PCDH7: variants seen among roughly 807,000 people sequenced by gnomAD.
PCDH7 encodes protocadherin-7.
In PCDH7, 17 loss-of-function variants were observed where a neutral mutation model predicts 58.9. The observed-to-expected ratio is 0.29, with a 90% CI of 0.20 to 0.43. The LOEUF (loss-of-function observed/expected upper bound fraction) is 0.43, where lower values mean the gene tolerates loss of function less well. Among genes scored for constraint, PCDH7 ranks in the 20% least tolerant of loss-of-function variants. PCDH7 has a pLI of 1.00. For missense variants in PCDH7, 1,274 were observed against 1,441.0 expected (o/e 0.88, Z 1.88); for synonymous variants, 664 against 616.4 (o/e 1.08, Z -1.14).
rs558784122 is a variant in PCDH7 at position 31,013,740 on chromosome 4, A to G, written c.*7+63525A>G. On this transcript the variant is annotated intron_variant, in intron 3 of 3. Transcript: ENST00000509759. Reference sequence around the variant, plus strand: ...TACTGTATATTTTACAATTGTCTGTAATATAAGACAAGGGAGGGACCCATC... The same window carrying G: ...TACTGTATATTTTACAATTGTCTGTGATATAAGACAAGGGAGGGACCCATC... Among the ~76,000 whole-genome samples the G allele has an allele frequency of 2.0e-5, 3 of 152,136 alleles. No homozygotes were observed. The East Asian group carries it at 5.8e-4, about 29-fold the overall frequency.
At chr4:30,833,683 C>T (rs1336713257) in intron 1 of PCDH7, among the ~76,000 whole-genome samples, 1 of 152,016 alleles carries the variant, frequency 6.6e-6, no homozygotes, top group Non-Finnish European at 1.5e-5. Context: ...GATTGTATAT[C>T]AGGGAGAAAA....
At chr4:30,738,511 T>C (rs1716620130) in intron 1 of PCDH7, among the ~76,000 whole-genome samples, 2 of 152,224 alleles carry the variant, frequency 1.3e-5, no homozygotes, top group Admixed American at 6.5e-5. Context: ...ATCTAACTTA[T>C]TAGGCACATC....
chr4:30,749,029 A>G (rs1330993086), intron 1 of PCDH7, among the ~76,000 whole-genome samples: 1 of 152,206 alleles, frequency 6.6e-6, no homozygotes, highest in Non-Finnish European at 1.5e-5. Context: ...ACTAGTACTT[A>G]TCAACAGGGG....
chr4:31,006,776 C>T lies in PCDH7; in HGVS notation c.*7+56561C>T, dbSNP rs368102355. ...GTGTAGTGGTGCATGCCTGTAATCT[C>T]AGCTACTTGGGAGGCTGAGGCAGGA... On this transcript the variant is annotated intron_variant, in intron 3 of 3. Coordinates refer to the PCDH7 transcript ENST00000509759. Among the ~76,000 whole-genome samples the T allele has an allele frequency of 6.4e-4, 98 of 151,952 alleles. 3 individuals carry two copies. In the South Asian group the frequency reaches 0.02, roughly 31 times the overall value.
intron 1 of PCDH7, among the ~76,000 whole-genome samples, chr4:30,763,715 A>G (rs928643486): frequency 3.3e-5 from 5 of 152,160 alleles, no homozygotes; most frequent in Admixed American, 1.3e-4. Flanking sequence ...GGGTCTCAAT[A>G]TCTTAAGCTA....
chr4:30,958,692 T>C (rs1429509761), intron 3 of PCDH7, among the ~76,000 whole-genome samples: 2 of 152,040 alleles, frequency 1.3e-5, no homozygotes, highest in Non-Finnish European at 2.9e-5. Flanking sequence ...TTATGGTACA[T>C]AATGTAGCAT....
chr4:30,765,338 A>G (rs1022798720), intron 1 of PCDH7, among the ~76,000 whole-genome samples: 1 of 152,066 alleles, frequency 6.6e-6, no homozygotes, highest in African/African-American at 2.4e-5. Context: ...GACTTTATGC[A>G]TAATGTTCAT....
chr4:30,812,231 T>C (rs1183021973), intron 1 of PCDH7, among the ~76,000 whole-genome samples: 3 of 152,234 alleles, frequency 2.0e-5, no homozygotes, highest in African/African-American at 7.2e-5. Context: ...TATTTGAGAG[T>C]AGGGTAGGAG....
chr4:30,917,155 A>G lies in PCDH7; in HGVS notation c.71-2998A>G, dbSNP rs1742584273. ...ATAACCTTTGCGGTAAAACTGAACT[A>G]TCTTTTCAAGACTCAATTGTCTGCC... is the stretch of plus-strand genomic sequence containing the variant. On this transcript the variant is annotated intron_variant, in intron 1 of 3. Transcript: ENST00000509759. Among the ~76,000 whole-genome samples the G allele has an allele frequency of 2.0e-5, 3 of 152,260 alleles. No individual in the cohort carries two copies. In the East Asian group the frequency reaches 5.8e-4, roughly 29 times the overall value.
intron 3 of PCDH7, among the ~76,000 whole-genome samples, chr4:31,038,632 T>A (rs537025298): frequency 1.2e-3 from 185 of 152,336 alleles, no homozygotes; most frequent in Admixed American, 2.0e-3. Context: ...CTGTATATAT[T>A]CTGTGACTTG....
chr4:31,122,669 G>A (rs529089696), intron 3 of PCDH7, among the ~76,000 whole-genome samples: 116 of 151,812 alleles, frequency 7.6e-4, no homozygotes, highest in South Asian at 6.7e-3. Context: ...AGAGATGATA[G>A]CGTGTTGAAG....
intron 1 of PCDH7, among the ~76,000 whole-genome samples, chr4:30,838,414 T>G (rs1730784690): frequency 2.0e-5 from 3 of 152,068 alleles, no homozygotes; most frequent in African/African-American, 7.2e-5. Flanking sequence ...ACCTTAGCAT[T>G]CAGAAGGGGC....
chr4:31,025,310 A>C (rs1226138036), intron 3 of PCDH7, among the ~76,000 whole-genome samples: 4 of 152,206 alleles, frequency 2.6e-5, no homozygotes, highest in African/African-American at 4.8e-5. Context: ...TTAGCTACGA[A>C]AAGCTAAATG....
chr4:30,885,258 A>G (rs1316689108), intron 1 of PCDH7: 3 of 152,172 alleles, frequency 2.0e-5, no homozygotes, highest in Non-Finnish European at 4.4e-5. Flanking sequence ...AGTGATTAAA[A>G]CACAGACTCT....
intron 2 of PCDH7, among the ~76,000 whole-genome samples, chr4:30,944,341 C>T (rs1746421938): frequency 6.6e-6 from 1 of 151,904 alleles, no homozygotes; most frequent in South Asian, 2.1e-4. Context: ...TTTTTGTCAG[C>T]ATATAATGAA....
chr4:30,750,720 G>T (rs2109257810), intron 1 of PCDH7, among the ~76,000 whole-genome samples: 1 of 152,182 alleles, frequency 6.6e-6, no homozygotes. Context: ...AGAACATGCT[G>T]CATTCTAGGT....
At chr4:31,031,222 G>A (rs576595852) in intron 3 of PCDH7, among the ~76,000 whole-genome samples, 5 of 152,160 alleles carry the variant, frequency 3.3e-5, no homozygotes, top group South Asian at 2.1e-4. Context: ...ACACCTCCCC[G>A]ACCCCCCAAG....
At chr4:30,988,682 C>T (rs1490155364) in intron 3 of PCDH7, among the ~76,000 whole-genome samples, 1 of 152,074 alleles carries the variant, frequency 6.6e-6, no homozygotes, top group East Asian at 1.9e-4. Flanking sequence ...AATATTTTTA[C>T]TTTGATGTTG....
At chr4:30,957,192 C>T (rs1471009886) in intron 3 of PCDH7, among the ~76,000 whole-genome samples, 1 of 152,080 alleles carries the variant, frequency 6.6e-6, no homozygotes, top group African/African-American at 2.4e-5. Context: ...CAATCACAAA[C>T]GTTAACCAGA....
Sources: allele counts gnomAD v4.1 joint callset (sites outside exome capture counted in the v4.1 genomes callset), GRCh38; gene constraint gnomAD v4.1.1; transcripts MANE v1.5; gene names NCBI Gene and HGNC (gene_info 2026-07-23, HGNC 2026-07-21).